Variants in KSR1 observed in about 807,000 individuals in gnomAD.
The protein encoded by KSR1 is kinase suppressor of ras.
In KSR1, 35 loss-of-function variants were observed where a neutral mutation model predicts 92.9. That is an observed-to-expected ratio of 0.38 (90% CI 0.29 to 0.50). KSR1 has a LOEUF of 0.50. Ranked by LOEUF, KSR1 falls within the 20% of genes least tolerant of loss-of-function variation. The pLI, the probability that KSR1 is intolerant of heterozygous loss-of-function variation, is 0.94. For missense variants in KSR1, 972 were observed against 1,158.5 expected, an observed-to-expected ratio of 0.84 and a Z score of 2.34; for synonymous variants, 467 against 472.6, an observed-to-expected ratio of 0.99 and a Z score of 0.15.
intron 1 of KSR1, among the ~76,000 whole-genome samples, chr17:27,544,206 A>C (rs558659957): frequency 8.5e-5 from 13 of 152,244 alleles, no homozygotes; most frequent in Admixed American, 2.6e-4. Context: ...CACCCAAGGG[A>C]GTGGTGTCAA....
intron 2 of KSR1, among the ~76,000 whole-genome samples, chr17:27,566,901 T>C (rs926190420): frequency 4.6e-5 from 7 of 152,162 alleles, no homozygotes; most frequent in African/African-American, 1.7e-4. Context: ...TGGAGCTGTA[T>C]AGGCTGATCC....
Position 27,583,041 on chromosome 17 carries a change from C to G in KSR1, c.916C>G (p.Leu306Val). 1 of 1,608,370 alleles carries G rather than the reference C, an allele frequency of 6.2e-7. No individual in the cohort carries two copies. The highest frequency in any genetic ancestry group is 1.1e-5 in the South Asian group (1 of 89,824). The change falls in exon 4 of 21, where the codon CTC becomes GTC. Residue 306 changes from leucine (L) to valine (V), a missense_variant. Around this residue, in one of 5 missense-constraint regions of KSR1, gnomAD observed 611 missense variants for 668.0 expected, o/e 0.91. Transcript: ENST00000644974. ...VFQLLPSFPTLTRSKSHESQL... is the reference protein window; with the variant it reads ...VFQLLPSFPTVTRSKSHESQL... Reference sequence around the variant, plus strand: ...CCAGCTGCTGCCCAGCTTCCCCACACTCACCCGGAGCAAGTCCCATGAGTC... The same window carrying G: ...CCAGCTGCTGCCCAGCTTCCCCACAGTCACCCGGAGCAAGTCCCATGAGTC...
At chr17:27,586,411 G>C (rs555941527) in intron 5 of KSR1, among the ~76,000 whole-genome samples, 1 of 152,376 alleles carries the variant, frequency 6.6e-6, no homozygotes, top group South Asian at 2.1e-4. Flanking sequence ...TGGCTAAGGA[G>C]AGTCACGTAG....
chr17:27,493,789 T>C (rs2068896690), intron 1 of KSR1, among the ~76,000 whole-genome samples: 1 of 152,132 alleles, frequency 6.6e-6, no homozygotes, highest in Non-Finnish European at 1.5e-5. Flanking sequence ...CGTGAGACCA[T>C]TGGAAATTGC....
chr17:27,571,398 TCCC>T (rs1397954281), intron 2 of KSR1, among the ~76,000 whole-genome samples: 1 of 152,194 alleles, frequency 6.6e-6, no homozygotes, highest in African/African-American at 2.4e-5. Flanking sequence ...TGTCAGGTGC[TCCC>T]TTGCCAATTT....
chr17:27,586,893 G>A (rs2072989380), intron 5 of KSR1, among the ~76,000 whole-genome samples: 1 of 152,138 alleles, frequency 6.6e-6, no homozygotes, highest in African/African-American at 2.4e-5. Flanking sequence ...TTTCTTTTGA[G>A]ACGAAATCTC....
chr17:27,538,550 G>A (rs1268156513), intron 1 of KSR1, among the ~76,000 whole-genome samples: 1 of 152,184 alleles, frequency 6.6e-6, no homozygotes, highest in Non-Finnish European at 1.5e-5. Context: ...GGCTGTGCAG[G>A]GACCCCATTC....
In KSR1 at chr17:27,559,274, C is replaced by T. The variant is rs147258247; in HGVS notation, c.372+8566C>T. On this transcript the variant is annotated intron_variant, in intron 2 of 20. Transcript: ENST00000644974. This position sits in a 1 kb window ranked among gnomAD's most constrained non-coding sequence, Gnocchi z 4.2. ...GTCAGATGCCAGCCCTCTGCGGCTCCGAGCCTGCTGCGGCGCTGCATGCCT... is the reference window on the plus strand; with the variant it reads ...GTCAGATGCCAGCCCTCTGCGGCTCTGAGCCTGCTGCGGCGCTGCATGCCT... 1.3e-5 allele frequency among the ~76,000 whole-genome samples: 2 copies of T among 152,320 alleles called. No individual in the cohort carries two copies. Among genetic ancestry groups the T allele is most frequent in the Admixed American group, 1.3e-4 (2 of 15,306 alleles).
At chr17:27,620,660 A>G (rs2074198610) in intron 19 of KSR1, among the ~76,000 whole-genome samples, 1 of 152,146 alleles carries the variant, frequency 6.6e-6, no homozygotes, top group Non-Finnish European at 1.5e-5. Flanking sequence ...GACCAGGAGC[A>G]TGGGGCTCTT....
intron 1 of KSR1, among the ~76,000 whole-genome samples, chr17:27,504,435 A>G (rs773112675): frequency 3.9e-5 from 6 of 152,190 alleles, no homozygotes; most frequent in Non-Finnish European, 7.3e-5. Context: ...GAGAAGGCAG[A>G]CAGTGAGCAG....
intron 1 of KSR1, among the ~76,000 whole-genome samples, chr17:27,542,555 C>T (rs368641548): frequency 6.6e-6 from 1 of 152,138 alleles, no homozygotes; most frequent in African/African-American, 2.4e-5. Flanking sequence ...GAGATCTCCC[C>T]ATCTCAGGCC....
intron 1 of KSR1, among the ~76,000 whole-genome samples, chr17:27,477,802 T>C (rs1184353240): frequency 6.6e-6 from 1 of 152,038 alleles, no homozygotes; most frequent in East Asian, 1.9e-4. Flanking sequence ...TGCCTCGATT[T>C]CCTAGGCTCA....
At chr17:27,539,074 C>T (rs1489431373) in intron 1 of KSR1, among the ~76,000 whole-genome samples, 5 of 152,200 alleles carry the variant, frequency 3.3e-5, no homozygotes, top group Non-Finnish European at 7.3e-5. Context: ...GGGTTTGGCC[C>T]ATTGGCAGAA....
At chr17:27,601,459 C>T in intron 11 of KSR1, 58 bp downstream of exon 11, 1 of 1,497,662 alleles carries the variant, frequency 6.7e-7, no homozygotes, top group Non-Finnish European at 9.3e-7. Context: ...TCTGTCCTGC[C>T]CACCTGGGCA....
chr17:27,520,338 T>G (rs1488867664), intron 1 of KSR1, among the ~76,000 whole-genome samples: 1 of 152,224 alleles, frequency 6.6e-6, no homozygotes, highest in Non-Finnish European at 1.5e-5. Context: ...AAGTGGTTTC[T>G]GTATGTTATA....
chr17:27,460,603 G>A (rs1366510966), intron 1 of KSR1, among the ~76,000 whole-genome samples: 1 of 152,160 alleles, frequency 6.6e-6, no homozygotes, highest in African/African-American at 2.4e-5. Flanking sequence ...GCTTTCCTGA[G>A]CAGTTGCCCT....
chr17:27,463,466 A>AG (rs1256533503), intron 1 of KSR1, among the ~76,000 whole-genome samples: 3 of 149,894 alleles, frequency 2.0e-5, no homozygotes, highest in Non-Finnish European at 4.4e-5. Flanking sequence ...TGGATGACAG[A>AG]GAAAAAAAAA....
At chr17:27,609,996 C>A in intron 16 of KSR1, 71 bp from the exon 17 acceptor site, 1 of 1,588,644 alleles carries the variant, frequency 6.3e-7, no homozygotes, top group Non-Finnish European at 8.6e-7. Context: ...CTGGGGCAGA[C>A]CTGTGCCAGG....
At chr17:27,504,343 G>A (rs893652404) in intron 1 of KSR1, among the ~76,000 whole-genome samples, 2 of 152,200 alleles carry the variant, frequency 1.3e-5, no homozygotes, top group African/African-American at 2.4e-5. Context: ...TATTTCCAGG[G>A]CAAAGTCTGT....
Sources: allele counts gnomAD v4.1 joint callset (sites outside exome capture counted in the v4.1 genomes callset), GRCh38; gene constraint gnomAD v4.1.1; regional missense constraint gnomAD v4.1.1; non-coding constraint Gnocchi (gnomAD v3.1); transcripts MANE v1.5; gene names NCBI Gene and HGNC (gene_info 2026-07-23, HGNC 2026-07-21).